The following INTS13 variants were observed in gnomAD, a reference collection of about 807,000 sequenced individuals.
INTS13 encodes integrator complex subunit 13.
Under a neutral mutation model 90.2 loss-of-function variants are expected in INTS13, and 35 were observed. That is an observed-to-expected ratio of 0.39 (90% confidence interval 0.30 to 0.51). The LOEUF is 0.51. INTS13 is among the 20% of genes least tolerant of loss of function. The probability of loss-of-function intolerance (pLI) is 0.80; values close to 1 mark genes in which losing one functional copy is unlikely to be tolerated. For synonymous variants in INTS13, 309 were observed against 277.1 expected (o/e 1.11, Z -1.14); for missense variants, 601 against 851.2 (o/e 0.71, Z 3.66).
chr12:26,909,025 T>C (rs1951693382), intron 15 of INTS13, among the ~76,000 whole-genome samples: 2 of 152,208 alleles, frequency 1.3e-5, no homozygotes, highest in Non-Finnish European at 2.9e-5. Flanking sequence ...AAAAAACTTA[T>C]TTACACATTC....
At chr12:26,916,224 G>A in intron 10 of INTS13, 44 bp from the exon 11 acceptor site, 5 of 1,440,218 alleles carry the variant, frequency 3.5e-6, no homozygotes, top group African/African-American at 1.4e-5. Context: ...AACTCAAATG[G>A]GCTCTCATTT....
intron 15 of INTS13, among the ~76,000 whole-genome samples, chr12:26,907,664 A>T (rs1179431768): frequency 6.6e-6 from 1 of 152,244 alleles, no homozygotes; most frequent in Non-Finnish European, 1.5e-5. Context: ...AGACTGGGTG[A>T]AAATACTTGC....
intron 14 of INTS13, among the ~76,000 whole-genome samples, chr12:26,912,553 T>G (rs192321551): frequency 3.3e-5 from 5 of 152,328 alleles, no homozygotes; most frequent in Admixed American, 2.0e-4. Flanking sequence ...TATAAGCCTT[T>G]ATTACTTTTA....
At chr12:26,925,707 GTATT>G (rs1374833517) in intron 6 of INTS13, 50 bp downstream of exon 6, 2 of 1,354,390 alleles carry the variant, frequency 1.5e-6, no homozygotes, top group Non-Finnish European at 2.1e-6. Context: ...ACCCTTCTCA[GTATT>G]TATTATTATT....
intron 8 of INTS13, chr12:26,918,992 T>C (rs1196672211): frequency 1.1e-5 from 4 of 356,372 alleles, no homozygotes; most frequent in South Asian, 8.6e-5. Context: ...AGTGAGACCC[T>C]GTCTCTATGG....
chr12:26,933,902 G>C (rs1938323498), intron 3 of INTS13, among the ~76,000 whole-genome samples: 1 of 152,096 alleles, frequency 6.6e-6, no homozygotes, highest in East Asian at 1.9e-4. Flanking sequence ...TAAACAAAAA[G>C]CTATATAAGG....
intron 14 of INTS13, among the ~76,000 whole-genome samples, chr12:26,912,444 T>C (rs1457231074): frequency 1.3e-5 from 2 of 152,010 alleles, no homozygotes; most frequent in African/African-American, 2.4e-5. Flanking sequence ...CTCAAAAAAA[T>C]AAATAAAAAT....
At chr12:26,929,009 C>G in intron 3 of INTS13, 104 bp from the exon 4 acceptor site, 2 of 996,702 alleles carry the variant, frequency 2.0e-6, no homozygotes, top group South Asian at 3.3e-5. Flanking sequence ...CATATATGGA[C>G]ATGAACATTC....
intron 15 of INTS13, among the ~76,000 whole-genome samples, chr12:26,907,983 G>A (rs550705666): frequency 6.6e-6 from 1 of 152,144 alleles, no homozygotes; most frequent in Non-Finnish European, 1.5e-5. Context: ...ACATACTGGT[G>A]GTGGGAATGC....
intron 4 of INTS13, among the ~76,000 whole-genome samples, 182 bp downstream of exon 4, chr12:26,928,521 T>A (rs1938009824): frequency 6.6e-6 from 1 of 151,784 alleles, no homozygotes; most frequent in Admixed American, 6.6e-5. Context: ...AAGTCTTTAT[T>A]TTAGAATGGA....
At chr12:26,908,417 T>C (rs1236022318) in intron 15 of INTS13, among the ~76,000 whole-genome samples, 2 of 152,182 alleles carry the variant, frequency 1.3e-5, no homozygotes, top group African/African-American at 2.4e-5. Context: ...TGAGAACAAA[T>C]TTAGAAAACA....
intron 3 of INTS13, among the ~76,000 whole-genome samples, chr12:26,929,563 G>GA (rs113961406): frequency 3.8e-3 from 442 of 115,484 alleles, no homozygotes; most frequent in African/African-American, 5.2e-3. Context: ...TCTATAAAAA[G>GA]AAAAAAAAAA....
At chr12:26,926,735 C>A (rs1264654418) in intron 5 of INTS13, among the ~76,000 whole-genome samples, 1 of 152,098 alleles carries the variant, frequency 6.6e-6, no homozygotes, top group East Asian at 1.9e-4. Flanking sequence ...GGTTTCTGAC[C>A]CCAGTTCTTG....
intron 6 of INTS13, 47 bp from the exon 7 acceptor site, chr12:26,924,530 T>C (rs766163779): frequency 1.9e-6 from 3 of 1,548,534 alleles, no homozygotes; most frequent in Admixed American, 1.9e-5. Context: ...TATTAATTCA[T>C]TGTGACCTAC....
At chr12:26,913,915 A>G (rs1195337593) in intron 13 of INTS13, 59 bp downstream of exon 13, 2 of 1,469,934 alleles carry the variant, frequency 1.4e-6, no homozygotes, top group South Asian at 2.5e-5. Context: ...AGTTATCTTG[A>G]GAAACAATAT....
intron 15 of INTS13, among the ~76,000 whole-genome samples, chr12:26,909,166 GCCTGACCAACATGGTGAAAC>G (rs1951699863): frequency 6.6e-6 from 1 of 152,166 alleles, no homozygotes. Context: ...TTCGAGACCA[GCCTGACCAACATGGTGAAAC>G]CCTGTCTCTA....
chr12:26,915,799 T>C (rs1374303045), intron 11 of INTS13, among the ~76,000 whole-genome samples: 1 of 152,212 alleles, frequency 6.6e-6, no homozygotes, highest in African/African-American at 2.4e-5. Flanking sequence ...CATCTCAGTA[T>C]ATACTGAATA....
intron 4 of INTS13, 76 bp downstream of exon 4, chr12:26,928,627 T>A: frequency 7.1e-7 from 1 of 1,415,582 alleles, no homozygotes; most frequent in Non-Finnish European, 9.9e-7. Context: ...AAACATGCTG[T>A]CTCTACTATT....
chr12:26,905,772 GT>G (rs1176623500), intron 16 of INTS13, among the ~76,000 whole-genome samples: 3 of 152,078 alleles, frequency 2.0e-5, no homozygotes, highest in Non-Finnish European at 2.9e-5. Context: ...AAAGGCCACT[GT>G]TTTTTGTTTG....
Sources: gnomAD v4.1 joint callset for allele counts (sites outside exome capture counted in the v4.1 genomes callset) on GRCh38, gnomAD v4.1.1 for gene constraint, MANE v1.5 for transcripts, NCBI Gene and HGNC (gene_info 2026-07-23, HGNC 2026-07-21) for gene names.